TNFSF8: variants seen among roughly 807,000 people sequenced by gnomAD.
TNFSF8 encodes the protein TNF superfamily member 8, also known as tumor necrosis factor ligand superfamily member 8.
TNFSF8 carries 4 observed loss-of-function variants against 22.0 expected under a neutral mutation model. That is an observed-to-expected ratio of 0.18 (90% confidence interval 0.09 to 0.42). The LOEUF is 0.42. Ranked by LOEUF, TNFSF8 falls within the 10% of genes least tolerant of loss-of-function variation. The pLI, the probability that TNFSF8 is intolerant of heterozygous loss-of-function variation, is 1.00. For missense variants in TNFSF8, 233 were observed against 281.8 expected, an observed-to-expected ratio of 0.83 and a Z score of 1.24; for synonymous variants, 106 against 112.5, an observed-to-expected ratio of 0.94 and a Z score of 0.37.
intron 1 of TNFSF8, among the ~76,000 whole-genome samples, chr9:114,923,706 C>T (rs1828021947): frequency 6.6e-6 from 1 of 151,962 alleles, no homozygotes; most frequent in African/African-American, 2.4e-5. Flanking sequence ...TTTGTAGAGA[C>T]AGGATTTCGC....
intron 2 of TNFSF8, among the ~76,000 whole-genome samples, chr9:114,907,660 C>T (rs537506904): frequency 3.9e-5 from 6 of 152,248 alleles, no homozygotes; most frequent in African/African-American, 1.4e-4. Context: ...TCCCCTTTCC[C>T]TTTATGTTCC....
chr9:114,905,363 C>T (rs1827771821), intron 3 of TNFSF8, among the ~76,000 whole-genome samples: 1 of 152,196 alleles, frequency 6.6e-6, no homozygotes, highest in South Asian at 2.1e-4. Flanking sequence ...CCTGTGCTGA[C>T]ATGTTCATTA....
rs759239412 is a variant in TNFSF8, at chr9:114,902,210, T to A, written c.*1721A>T. ...ATGGCTACCCCAATCAGGAGAGAGG[T>A]TGCTGTTTCTCAGAAGTCCTCCTCC... On this transcript the variant is annotated 3_prime_UTR_variant, in exon 4 of 4. Coordinates refer to ENST00000223795, the MANE Select transcript of TNFSF8 (RefSeq NM_001244.4). 69 of 985,150 alleles carry A rather than the reference T, an allele frequency of 7.0e-5. No individual in the cohort carries two copies. The highest frequency in any genetic ancestry group is 7.6e-5 in the Non-Finnish European group (63 of 829,886). 61.0% of individuals were successfully genotyped at this position (985,150 alleles called of 1,614,324 possible).
intron 2 of TNFSF8, among the ~76,000 whole-genome samples, chr9:114,917,371 G>C (rs1827932472): frequency 6.6e-6 from 1 of 152,174 alleles, no homozygotes; most frequent in African/African-American, 2.4e-5. Flanking sequence ...GCTTGGCTTT[G>C]TATGACCTTG....
At chr9:114,930,056 TTCTC>T in intron 1 of TNFSF8, 49 bp downstream of exon 1, 2 of 1,386,014 alleles carry the variant, frequency 1.4e-6, no homozygotes, top group Non-Finnish European at 1.9e-6. Flanking sequence ...CCAGGGCTCT[TTCTC>T]TCGGGAAAAC....
At chr9:114,905,960 T>A in intron 2 of TNFSF8, 61 bp from the exon 3 acceptor site, 1 of 1,133,196 alleles carries the variant, frequency 8.8e-7, no homozygotes, top group Non-Finnish European at 1.3e-6. Context: ...TGGAAATACC[T>A]GATCTTTTTC....
intron 2 of TNFSF8, 81 bp from the exon 3 acceptor site, chr9:114,905,980 T>G: frequency 1.1e-6 from 1 of 901,148 alleles, no homozygotes; most frequent in Admixed American, 1.9e-5. Flanking sequence ...CTACAACACT[T>G]TGATGGAGAC....
intron 1 of TNFSF8, 97 bp from the exon 2 acceptor site, chr9:114,918,235 G>T: frequency 3.8e-6 from 4 of 1,058,966 alleles, no homozygotes; most frequent in Non-Finnish European, 5.3e-6. Context: ...AAAGTACTGT[G>T]CAATTTACAA....
chr9:114,913,757 T>G (rs1484862605), intron 2 of TNFSF8, among the ~76,000 whole-genome samples: 1 of 152,204 alleles, frequency 6.6e-6, no homozygotes, highest in Non-Finnish European at 1.5e-5. Context: ...GTGCTCCAGT[T>G]TCCTTACCTA....
At chr9:114,918,777 T>C (rs1827950675) in intron 1 of TNFSF8, among the ~76,000 whole-genome samples, 1 of 152,112 alleles carries the variant, frequency 6.6e-6, no homozygotes. Flanking sequence ...AGTTTTGTAT[T>C]TTTAGTAGAC....
At chr9:114,925,230 C>T (rs1363374711) in intron 1 of TNFSF8, among the ~76,000 whole-genome samples, 1 of 152,102 alleles carries the variant, frequency 6.6e-6, no homozygotes, top group Non-Finnish European at 1.5e-5. Context: ...CCTTATATAC[C>T]GTCCAGTGGT....
At chr9:114,924,824 C>T (rs1326636334) in intron 1 of TNFSF8, among the ~76,000 whole-genome samples, 2 of 152,206 alleles carry the variant, frequency 1.3e-5, no homozygotes, top group African/African-American at 4.8e-5. Context: ...GCTTCATCTG[C>T]TCAATTTAAC....
rs1012768417 is a variant in TNFSF8, at chr9:114,901,396, T to G, written c.*2535A>C. 41 of 985,434 alleles carry G rather than the reference T, an allele frequency of 4.2e-5. No individual in the cohort carries two copies. In the African/African-American group the frequency reaches 7.0e-4, roughly 17 times the overall value. 61.0% of individuals were successfully genotyped at this position (985,434 alleles called of 1,614,324 possible). A position where few individuals can be genotyped will look rare whatever the true frequency, so the allele number is the denominator to read the frequency against. ...CTTGTGTCTTTAGGTGTTGGCTTTC[T>G]TAGCATTGCTTGACAGAGACTGAGA... On this transcript the variant is annotated 3_prime_UTR_variant, in exon 4 of 4. Coordinates refer to ENST00000223795, the MANE Select transcript of TNFSF8 (RefSeq NM_001244.4).
At chr9:114,906,337 T>A (rs1356264301) in intron 2 of TNFSF8, among the ~76,000 whole-genome samples, 1 of 152,222 alleles carries the variant, frequency 6.6e-6, no homozygotes, top group Non-Finnish European at 1.5e-5. Flanking sequence ...GCAGTGGTAG[T>A]GAGAATGATA....
intron 1 of TNFSF8, among the ~76,000 whole-genome samples, chr9:114,919,709 C>T (rs1444735658): frequency 1.3e-5 from 2 of 152,190 alleles, no homozygotes; most frequent in East Asian, 3.8e-4. Flanking sequence ...AAGAAATTAG[C>T]AGCCGCCCAC....
rs903500739 is a variant in TNFSF8, at chr9:114,893,565, G to A, written c.*514C>T. Reference sequence around the variant, plus strand: ...AAAGCACTATGCAGACATCTAAGATGGTATTCATTTAATCTTTCATTTAAT... The same window carrying A: ...AAAGCACTATGCAGACATCTAAGATAGTATTCATTTAATCTTTCATTTAAT... On this transcript the variant is annotated 3_prime_UTR_variant, in exon 5 of 5. Coordinates refer to the TNFSF8 transcript ENST00000618336. 2.7e-4 allele frequency: 44 copies of A among 163,770 alleles called. 1 individual carries two copies. Among genetic ancestry groups the A allele is most frequent in the African/African-American group, 1.0e-3 (42 of 41,526 alleles). The allele number at this position is 163,770 out of a possible 1,614,324, so 10.1% of individuals were successfully genotyped here. A position where few individuals can be genotyped will look rare whatever the true frequency, so the allele number is the denominator to read the frequency against.
At chr9:114,897,883 T>C (rs1481363213), downstream of TNFSF8, among the ~76,000 whole-genome samples, 1 of 152,142 alleles carries the variant, frequency 6.6e-6, no homozygotes, top group East Asian at 1.9e-4. Context: ...GCGTGGAATG[T>C]GGAGTTAGGC....
chr9:114,925,190 C>G (rs541266095), intron 1 of TNFSF8, among the ~76,000 whole-genome samples: 1 of 152,290 alleles, frequency 6.6e-6, no homozygotes, highest in African/African-American at 2.4e-5. Flanking sequence ...CAGAAATGAT[C>G]TCATGGCAGC....
At chr9:114,899,437 T>C (rs557800388), downstream of TNFSF8, among the ~76,000 whole-genome samples, 1 of 151,576 alleles carries the variant, frequency 6.6e-6, no homozygotes, top group South Asian at 2.1e-4. Flanking sequence ...CATTATACTA[T>C]ACATTGAGTG....
Sources: gnomAD v4.1 joint callset for allele counts (sites outside exome capture counted in the v4.1 genomes callset) on GRCh38, gnomAD v4.1.1 for gene constraint, MANE v1.5 for transcripts, NCBI Gene and HGNC (gene_info 2026-07-23, HGNC 2026-07-21) for gene names.